Variants in PAK5 observed in about 807,000 individuals in gnomAD.
PAK5 encodes the protein serine/threonine-protein kinase PAK 5.
In PAK5, 16 loss-of-function variants were observed where a neutral mutation model predicts 65.9. That is an observed-to-expected ratio of 0.24 (90% CI 0.16 to 0.37). PAK5 has a LOEUF of 0.37. Among genes scored for constraint, PAK5 ranks in the 10% least tolerant of loss-of-function variants. The pLI is 1.00. For synonymous variants in PAK5, 371 were observed against 354.9 expected (o/e 1.05, Z -0.51); for missense variants, 785 against 903.9 (o/e 0.87, Z 1.69).
intron 4 of PAK5, among the ~76,000 whole-genome samples, chr20:9,579,668 T>C (rs988192507): frequency 1.3e-5 from 2 of 152,194 alleles, no homozygotes; most frequent in Non-Finnish European, 2.9e-5. Flanking sequence ...ATCCCCTGAG[T>C]TGAACAAAAT....
At chr20:9,692,856 C>T (rs1327794259) in intron 2 of PAK5, among the ~76,000 whole-genome samples, 1 of 151,982 alleles carries the variant, frequency 6.6e-6, no homozygotes. Context: ...TTTCTTCCAT[C>T]TCCAGTTTCT....
intron 2 of PAK5, among the ~76,000 whole-genome samples, chr20:9,697,638 C>T (rs989415756): frequency 2.3e-4 from 35 of 152,176 alleles, no homozygotes; most frequent in African/African-American, 7.9e-4. Flanking sequence ...CTTTCTCTTA[C>T]CATATAGACT....
rs186916088 is a variant in PAK5, at chr20:9,694,678, T to C, written c.-12+16608A>G. Among the ~76,000 whole-genome samples, 28 of 152,178 alleles carry C rather than the reference T, an allele frequency of 1.8e-4. No individual in the cohort carries two copies. The East Asian group carries it at 4.6e-3, about 25-fold the overall frequency. On this transcript the variant is annotated intron_variant, in intron 2 of 9. Transcript: ENST00000353224. ...TTACATCATACAATTCTAAGTGTGTTTGATTCAACATTTTGTATTTGTGAG... is the reference window on the plus strand; with the variant it reads ...TTACATCATACAATTCTAAGTGTGTCTGATTCAACATTTTGTATTTGTGAG...
At chr20:9,552,699 T>C (rs2045447153) in intron 7 of PAK5, among the ~76,000 whole-genome samples, 1 of 142,246 alleles carries the variant, frequency 7.0e-6, no homozygotes, top group Non-Finnish European at 1.5e-5. Flanking sequence ...TTTTCCTAAC[T>C]TTAAAAAATT....
intron 1 of PAK5, among the ~76,000 whole-genome samples, chr20:9,832,432 C>T (rs568378841): frequency 6.6e-6 from 1 of 152,076 alleles, no homozygotes; most frequent in South Asian, 2.1e-4. Flanking sequence ...GCCACCACAC[C>T]CAGCTATTTT....
At chr20:9,832,570 G>A (rs1978810812) in intron 1 of PAK5, among the ~76,000 whole-genome samples, 1 of 152,162 alleles carries the variant, frequency 6.6e-6, no homozygotes, top group South Asian at 2.1e-4. Flanking sequence ...ACCGTGCCTG[G>A]CAGACATTTT....
Position 9,598,472 on chromosome 20 carries a change from C to T in PAK5, c.205-17542G>A, listed in dbSNP as rs59539783. Among the ~76,000 whole-genome samples the T allele has an allele frequency of 9.8e-3, 1,492 of 152,256 alleles. 24 individuals carry two copies. Among genetic ancestry groups the T allele is most frequent in the East Asian group, 0.033 (170 of 5,184 alleles). ...TGATTAATGTTCCTTTGGGTATATACCTAGTAATGGGATTGCTGGGTCAAA... is the reference window on the plus strand; with the variant it reads ...TGATTAATGTTCCTTTGGGTATATATCTAGTAATGGGATTGCTGGGTCAAA... On this transcript the variant is annotated intron_variant, in intron 3 of 9. Transcript: ENST00000353224.
chr20:9,586,584 A>T (rs2046074226), intron 3 of PAK5, among the ~76,000 whole-genome samples: 1 of 152,148 alleles, frequency 6.6e-6, no homozygotes, highest in Non-Finnish European at 1.5e-5. Flanking sequence ...AAGGCCTATT[A>T]AATAGAGCTT....
At chr20:9,673,546 A>ATAG (rs1378300014) in intron 2 of PAK5, among the ~76,000 whole-genome samples, 2 of 152,190 alleles carry the variant, frequency 1.3e-5, no homozygotes, top group African/African-American at 4.8e-5. Context: ...TCCACACTGG[A>ATAG]TAGTACATCT....
At chr20:9,620,968 AG>A (rs1231480218) in intron 3 of PAK5, among the ~76,000 whole-genome samples, 1 of 151,782 alleles carries the variant, frequency 6.6e-6, no homozygotes, top group Non-Finnish European at 1.5e-5. Context: ...AAAGAGAGAG[AG>A]AGAGAGAGAG....
chr20:9,815,437 A>G (rs1257318060), intron 1 of PAK5, among the ~76,000 whole-genome samples: 1 of 152,132 alleles, frequency 6.6e-6, no homozygotes, highest in Non-Finnish European at 1.5e-5. Context: ...TTACTGGGCC[A>G]TCCCTCCCTT....
intron 1 of PAK5, among the ~76,000 whole-genome samples, chr20:9,753,587 A>T (rs989432573): frequency 6.6e-6 from 1 of 152,186 alleles, no homozygotes; most frequent in African/African-American, 2.4e-5. Context: ...GAAGGACATT[A>T]TACATACACA....
intron 3 of PAK5, among the ~76,000 whole-genome samples, chr20:9,604,465 G>A (rs1255446823): frequency 1.3e-5 from 2 of 152,150 alleles, no homozygotes; most frequent in Non-Finnish European, 2.9e-5. Flanking sequence ...GAGGTTAACA[G>A]GAGTTTGACA....
intron 1 of PAK5, among the ~76,000 whole-genome samples, chr20:9,745,944 G>C (rs2048502755): frequency 1.3e-5 from 2 of 152,038 alleles, no homozygotes; most frequent in South Asian, 4.1e-4. Flanking sequence ...TGTGGCCTCA[G>C]CTTTTTCTCC....
chr20:9,834,804 C>T (rs562109953), intron 1 of PAK5, among the ~76,000 whole-genome samples: 146 of 152,142 alleles, frequency 9.6e-4, no homozygotes, highest in African/African-American at 3.1e-3. Context: ...TATTATTATA[C>T]ATAATGATTA....
chr20:9,653,739 T>C (rs1444621325), intron 2 of PAK5, among the ~76,000 whole-genome samples: 1 of 152,188 alleles, frequency 6.6e-6, no homozygotes, highest in Non-Finnish European at 1.5e-5. Flanking sequence ...TAATGCAATG[T>C]ATTTTCTTAC....
intron 4 of PAK5, among the ~76,000 whole-genome samples, chr20:9,574,229 C>G (rs2045844958): frequency 6.6e-6 from 1 of 152,198 alleles, no homozygotes; most frequent in Non-Finnish European, 1.5e-5. Flanking sequence ...TGCAAATGCA[C>G]ACTGAGAGTT....
chr20:9,741,251 G>A (rs906185898), intron 1 of PAK5, among the ~76,000 whole-genome samples: 4 of 152,082 alleles, frequency 2.6e-5, no homozygotes, highest in African/African-American at 9.7e-5. Flanking sequence ...GAAGAAAAGA[G>A]GGAAGAAACA....
intron 3 of PAK5, among the ~76,000 whole-genome samples, chr20:9,629,741 TTA>T (rs1331244200): frequency 4.2e-4 from 64 of 152,362 alleles, no homozygotes; most frequent in African/African-American, 1.5e-3. Flanking sequence ...ACATTGGGGA[TTA>T]GCATCTCAAT....
Sources: gnomAD v4.1 joint callset for allele counts (sites outside exome capture counted in the v4.1 genomes callset) on GRCh38, gnomAD v4.1.1 for gene constraint, MANE v1.5 for transcripts, NCBI Gene and HGNC (gene_info 2026-07-23, HGNC 2026-07-21) for gene names.